The following NCKAP5 variants were observed in gnomAD, a reference collection of about 807,000 sequenced individuals.
NCKAP5 encodes NCK associated protein 5.
A neutral mutation model predicts 167.0 loss-of-function variants in NCKAP5; 92 were observed. The ratio of observed to expected loss-of-function variants is 0.55; its 90% CI spans 0.47 to 0.66. The LOEUF (loss-of-function observed/expected upper bound fraction) is 0.66. NCKAP5 is among the 30% of genes least tolerant of loss of function. The pLI is 0.00. For missense variants in NCKAP5, 2,378 were observed against 2,315.0 expected, an observed-to-expected ratio of 1.03 and a Z score of -0.56; for synonymous variants, 891 against 877.4, an observed-to-expected ratio of 1.02 and a Z score of -0.27.
chr2:132,681,106 T>C (rs1007848331), intron 19 of NCKAP5, among the ~76,000 whole-genome samples: 3 of 152,146 alleles, frequency 2.0e-5, no homozygotes, highest in African/African-American at 4.8e-5. Flanking sequence ...AAATGGAACA[T>C]GTTTCTCGGT....
intron 3 of NCKAP5, among the ~76,000 whole-genome samples, chr2:133,417,277 C>G: frequency 6.6e-6 from 1 of 152,244 alleles, no homozygotes; most frequent in East Asian, 1.9e-4. Context: ...GAATGGCCAG[C>G]TCTCTCAGTA....
intron 6 of NCKAP5, among the ~76,000 whole-genome samples, chr2:132,996,562 A>G (rs1024375004): frequency 1.3e-5 from 2 of 152,146 alleles, no homozygotes; most frequent in African/African-American, 2.4e-5. Context: ...TTGAATTCTT[A>G]TAGCCCTATA....
At chr2:132,677,545 G>A (rs1684652707) in intron 19 of NCKAP5, among the ~76,000 whole-genome samples, 1 of 152,040 alleles carries the variant, frequency 6.6e-6, no homozygotes, top group Admixed American at 6.6e-5. Context: ...TCTTGGAATG[G>A]TTTTGAAGGG....
At chr2:133,651,100 T>C in the NCKAP5 span, among the ~76,000 whole-genome samples, 3 of 152,256 alleles carry the variant, frequency 2.0e-5, no homozygotes, top group African/African-American at 2.4e-5. Flanking sequence ...AGAGGAAATA[T>C]GGCATTGGTC....
At chr2:133,670,133 T>C in the NCKAP5 span, among the ~76,000 whole-genome samples, 1 of 152,216 alleles carries the variant, frequency 6.6e-6, no homozygotes, top group Non-Finnish European at 1.5e-5. Context: ...GCTCTGTGAC[T>C]TGGGGAAGCC....
At chr2:133,134,135 C>T (rs1051468070) in intron 5 of NCKAP5, among the ~76,000 whole-genome samples, 1 of 152,200 alleles carries the variant, frequency 6.6e-6, no homozygotes, top group Non-Finnish European at 1.5e-5. Flanking sequence ...ATATTTCAAA[C>T]AGACCTCAGT....
chr2:132,730,214 C>T (rs998000584), intron 17 of NCKAP5, among the ~76,000 whole-genome samples: 3 of 152,204 alleles, frequency 2.0e-5, no homozygotes, highest in African/African-American at 7.2e-5. Flanking sequence ...GAACCCAAAG[C>T]CAGGTGCGGT....
At chr2:132,898,140 G>A (rs1011483786) in intron 8 of NCKAP5, among the ~76,000 whole-genome samples, 1 of 152,200 alleles carries the variant, frequency 6.6e-6, no homozygotes, top group Non-Finnish European at 1.5e-5. Flanking sequence ...TATGTAATAT[G>A]CTGAAATCTT....
At chr2:133,076,474 A>G (rs567442700) in intron 6 of NCKAP5, among the ~76,000 whole-genome samples, 2 of 147,128 alleles carry the variant, frequency 1.4e-5, no homozygotes, top group Admixed American at 8.3e-5. Context: ...CCTACGTATG[A>G]AAAAAAAATG....
chr2:132,859,903 C>A (rs575627767), intron 11 of NCKAP5, among the ~76,000 whole-genome samples: 3 of 152,068 alleles, frequency 2.0e-5, no homozygotes, highest in Non-Finnish European at 4.4e-5. Flanking sequence ...AGCTTCAAAT[C>A]GACTCAAATG....
chr2:132,832,729 A>T (rs1456656673), intron 11 of NCKAP5, among the ~76,000 whole-genome samples: 1 of 152,202 alleles, frequency 6.6e-6, no homozygotes, highest in African/African-American at 2.4e-5. Flanking sequence ...ACAGTGTTAC[A>T]TTATGTATAT....
At chr2:133,534,106 C>A (rs1211265891) in intron 2 of NCKAP5, among the ~76,000 whole-genome samples, 2 of 152,076 alleles carry the variant, frequency 1.3e-5, no homozygotes, top group East Asian at 3.9e-4. Context: ...AATGTTGATC[C>A]ATTTTGGAAA....
chr2:132,754,292 G>A (rs1015228742), intron 16 of NCKAP5, among the ~76,000 whole-genome samples: 2 of 151,998 alleles, frequency 1.3e-5, no homozygotes, highest in African/African-American at 4.8e-5. Context: ...TTTTGTTACA[G>A]CAAGTACTTC....
In NCKAP5 at chr2:133,427,715, GCA is replaced by G. The variant is rs534449861; in HGVS notation, c.69+89741_69+89742del. 1.3e-3 allele frequency among the ~76,000 whole-genome samples: 199 copies of G among 152,028 alleles called. 2 individuals carry two copies. The highest frequency in any genetic ancestry group is 2.5e-4 in the Non-Finnish European group (17 of 67,938). On this transcript the variant is annotated intron_variant, in intron 3 of 19. Transcript: ENST00000409261. ...AGAAAATCACATATGATATGACCGAGCACAGTTTATTTTAGTGATATAAAAAT... is the reference window on the plus strand; with the variant it reads ...AGAAAATCACATATGATATGACCGAGCAGTTTATTTTAGTGATATAAAAAT...
At chr2:133,574,603 C>G in the NCKAP5 span, among the ~76,000 whole-genome samples, 1 of 127,224 alleles carries the variant, frequency 7.9e-6, no homozygotes, top group Non-Finnish European at 1.7e-5. Context: ...TTCTTCTTTC[C>G]TTTTTTTTTT....
intron 3 of NCKAP5, among the ~76,000 whole-genome samples, chr2:133,363,819 C>T (rs746859445): frequency 1.3e-5 from 2 of 152,044 alleles, no homozygotes; most frequent in African/African-American, 2.4e-5. Context: ...CCTCGCTTAT[C>T]ACTGGCTATG....
chr2:133,175,793 C>T (rs1254296186), intron 5 of NCKAP5, among the ~76,000 whole-genome samples: 1 of 152,194 alleles, frequency 6.6e-6, no homozygotes, highest in East Asian at 1.9e-4. Flanking sequence ...TTAGGAGCCA[C>T]CATGGAATAA....
At chr2:133,593,204 C>A in the NCKAP5 span, among the ~76,000 whole-genome samples, 1 of 152,124 alleles carries the variant, frequency 6.6e-6, no homozygotes, top group Admixed American at 6.5e-5. Flanking sequence ...GCACATTTAT[C>A]CATAGATAGA....
chr2:133,611,355 G>A, the NCKAP5 span, among the ~76,000 whole-genome samples: 11 of 150,284 alleles, frequency 7.3e-5, no homozygotes, highest in African/African-American at 1.9e-4. Context: ...AGTCCTCCAC[G>A]GTGATACCCA....
Sources: allele counts gnomAD v4.1 joint callset (sites outside exome capture counted in the v4.1 genomes callset), GRCh38; gene constraint gnomAD v4.1.1; transcripts MANE v1.5; gene names NCBI Gene and HGNC (gene_info 2026-07-23, HGNC 2026-07-21).